The following COL13A1 variants were observed in gnomAD, a reference collection of about 807,000 sequenced individuals.
COL13A1 encodes collagen alpha-1(XIII) chain.
Under a neutral mutation model 130.9 loss-of-function variants are expected in COL13A1, and 89 were observed. The observed-to-expected ratio is 0.68, with a 90% CI of 0.57 to 0.81. COL13A1 has a LOEUF of 0.81. COL13A1 is among the 30% of genes least tolerant of loss of function. The probability of loss-of-function intolerance (pLI) is 0.00; values close to 1 mark genes in which losing one functional copy is unlikely to be tolerated. For synonymous variants in COL13A1, 402 were observed against 341.6 expected, an observed-to-expected ratio of 1.18 and a Z score of -1.95; for missense variants, 879 against 934.6, an observed-to-expected ratio of 0.94 and a Z score of 0.78.
rs761635759 is a variant in COL13A1, at chr10:69,802,529, G to C, written c.106G>C (p.Gly36Arg). Residue 36 changes from glycine (G) to arginine (R), a missense_variant, in exon 1 of 41, where the codon GGC (glycine) becomes CGC (arginine). Physicochemically the swap from Gly to Arg is moderately radical, Grantham distance 125 (BLOSUM62 -2). Around this residue, in one of 3 missense-constraint regions of COL13A1, gnomAD observed 715 missense variants for 721.0 expected, o/e 0.99. Coordinates refer to ENST00000645393, the MANE Select transcript of COL13A1 (RefSeq NM_001368882.1). The stretch of plus-strand genomic sequence containing the variant: ...TCTGGTGGCGGCGCGGGCGGAGCGC[G>C]GCGCACGGCTGCCGAGTCCAGGGTC... Reference protein sequence around the residue: ...VALVAARAERGARLPSPGSCG... With the variant: ...VALVAARAERRARLPSPGSCG... 1.3e-6 allele frequency: 2 copies of C among 1,581,582 alleles called. No homozygotes were observed. Among genetic ancestry groups the C allele is most frequent in the South Asian group, 2.3e-5 (2 of 88,154 alleles).
intron 24 of COL13A1, among the ~76,000 whole-genome samples, chr10:69,924,534 T>C (rs1005967539): frequency 2.0e-5 from 3 of 149,182 alleles, no homozygotes; most frequent in South Asian, 2.2e-4. Context: ...ACAAGTAGAG[T>C]AGGCAGCAAA....
At chr10:69,950,643 G>A (rs1046148079) in intron 38 of COL13A1, among the ~76,000 whole-genome samples, 1 of 152,214 alleles carries the variant, frequency 6.6e-6, no homozygotes. Context: ...GTGCCATGAT[G>A]TTCTTGTTGG....
chr10:69,928,805 G>T (rs2065718315), intron 27 of COL13A1, 132 bp from the exon 28 acceptor site: 1 of 580,698 alleles, frequency 1.7e-6, no homozygotes, highest in Non-Finnish European at 3.0e-6. Context: ...TGCAAAAAAT[G>T]CATCTCTATC....
At chr10:69,914,213 A>T (rs2063681406) in intron 17 of COL13A1, among the ~76,000 whole-genome samples, 1 of 152,114 alleles carries the variant, frequency 6.6e-6, no homozygotes, top group Non-Finnish European at 1.5e-5. Context: ...GGCAGGAGGA[A>T]GGGAGAGCAG....
At chr10:69,928,257 T>C (rs2065642520) in intron 27 of COL13A1, among the ~76,000 whole-genome samples, 1 of 152,176 alleles carries the variant, frequency 6.6e-6, no homozygotes, top group Non-Finnish European at 1.5e-5. Context: ...GAAAAGGTAC[T>C]CATTTTAGGT....
intron 2 of COL13A1, among the ~76,000 whole-genome samples, chr10:69,847,017 G>A (rs1016553269): frequency 6.6e-6 from 1 of 152,182 alleles, no homozygotes; most frequent in Non-Finnish European, 1.5e-5. Context: ...GTCGTGCCCA[G>A]CAGAGGGACA....
chr10:69,937,555 C>G lies in COL13A1; in HGVS notation c.1798-80C>G, dbSNP rs145964875. ...CCTTCCTCTACAAATGCCACCCCAGCCTCCAGGACCCCAGAATGCAAGAAT... is the reference window on the plus strand; with the variant it reads ...CCTTCCTCTACAAATGCCACCCCAGGCTCCAGGACCCCAGAATGCAAGAAT... On this transcript the variant is annotated intron_variant, in intron 33 of 40. Coordinates refer to ENST00000645393, the MANE Select transcript of COL13A1 (RefSeq NM_001368882.1). The G allele has an allele frequency of 2.1e-3, 1,485 of 717,662 alleles. 7 individuals are homozygous for G. The highest frequency in any genetic ancestry group is 0.016 in the African/African-American group (934 of 56,732). 44.5% of individuals were successfully genotyped at this position (717,662 alleles called of 1,614,324 possible). A position where few individuals can be genotyped will look rare whatever the true frequency, so the allele number is the denominator to read the frequency against.
chr10:69,850,436 C>A (rs896823333), intron 2 of COL13A1, among the ~76,000 whole-genome samples: 1 of 23,340 alleles, frequency 4.3e-5, no homozygotes, highest in East Asian at 3.9e-3. Flanking sequence ...TGGAGCCACA[C>A]GTTAAACTGC....
Position 69,907,020 on chromosome 10 carries a change from C to T in COL13A1, c.921+1198C>T, listed in dbSNP as rs190725687. 7.9e-3 allele frequency among the ~76,000 whole-genome samples: 1,199 copies of T among 152,282 alleles called. 22 individuals carry two copies. The highest frequency in any genetic ancestry group is 0.027 in the African/African-American group (1,112 of 41,548). ...CTGGGATTACAGGCGTGAGCCACCG[C>T]GCCCAGTTATGGCCATTTTTAATCT... is the stretch of plus-strand genomic sequence containing the variant. On this transcript the variant is annotated intron_variant, in intron 17 of 40. Coordinates refer to ENST00000645393, the MANE Select transcript of COL13A1 (RefSeq NM_001368882.1).
chr10:69,932,359 C>T (rs968207818), intron 30 of COL13A1, among the ~76,000 whole-genome samples: 4 of 152,166 alleles, frequency 2.6e-5, no homozygotes, highest in Admixed American at 6.5e-5. Flanking sequence ...GCAGAGTCCA[C>T]AGAGAGTATC....
Position 69,944,187 on chromosome 10 carries a change from C to T in COL13A1, c.1968+9C>T. On this transcript the variant is annotated intron_variant, in intron 36 of 40. Transcript: ENST00000645393. Reference sequence around the variant, plus strand: ...GACCAAAGGGCGAGAGGGTGAGTGTCACTGAGCCAGGGGCCTGGGCGGCCA... The same window carrying T: ...GACCAAAGGGCGAGAGGGTGAGTGTTACTGAGCCAGGGGCCTGGGCGGCCA... 6.2e-7 allele frequency: 1 copy of T among 1,613,236 alleles called. No individual in the cohort carries two copies. The highest frequency in any genetic ancestry group is 1.3e-5 in the African/African-American group (1 of 75,054).
intron 1 of COL13A1, among the ~76,000 whole-genome samples, chr10:69,803,809 A>G (rs757059844): frequency 2.6e-5 from 4 of 152,178 alleles, no homozygotes; most frequent in African/African-American, 4.8e-5. Context: ...CCCTCTGAAC[A>G]TGCGAAACAG....
intron 38 of COL13A1, among the ~76,000 whole-genome samples, chr10:69,947,818 A>C (rs1271685233): frequency 6.6e-6 from 1 of 152,204 alleles, no homozygotes; most frequent in Non-Finnish European, 1.5e-5. Flanking sequence ...TATTACAGCC[A>C]CTATTTCTCT....
rs756934336 is a variant in COL13A1, at chr10:69,895,556, T to C, written c.664T>C (p.Cys222Arg). ...PQGQKGEKGQ[C>R]GEYPHRLLPL... ...CCTTCCCTCTCCTTCCCAGGGTCAG[T>C]GTGGAGAGTACCCACACCGGGTAAG... The change falls in exon 13 of 41, where the codon TGT (cysteine) becomes CGT (arginine). Residue 222 changes from cysteine to arginine, a missense_variant. By Grantham distance (180) the Cys-to-Arg change is radical. Coordinates refer to ENST00000645393, the MANE Select transcript of COL13A1 (RefSeq NM_001368882.1). The C allele has an allele frequency of 6.2e-7, 1 of 1,613,922 alleles. No homozygotes were observed. Among genetic ancestry groups the C allele is most frequent in the South Asian group, 1.1e-5 (1 of 91,062 alleles).
At chr10:69,905,025 C>G in intron 16 of COL13A1, 66 bp downstream of exon 16, 1 of 1,520,220 alleles carries the variant, frequency 6.6e-7, no homozygotes, top group Non-Finnish European at 8.9e-7. Flanking sequence ...GAGGGGGAGG[C>G]AGCACAGAAG....
intron 13 of COL13A1, chr10:69,897,361 T>C: frequency 1.8e-6 from 2 of 1,124,060 alleles, no homozygotes; most frequent in Non-Finnish European, 2.5e-6. Flanking sequence ...AGCCTGTGGC[T>C]TCCCCAGGGA....
At chr10:69,917,430 C>G in intron 18 of COL13A1, 97 bp downstream of exon 18, 1 of 1,045,724 alleles carries the variant, frequency 9.6e-7, no homozygotes, top group Non-Finnish European at 1.4e-6. Context: ...GGAGTCCCAG[C>G]TCTTTGGGCC....
At chr10:69,804,994 G>A (rs1029528814) in intron 1 of COL13A1, among the ~76,000 whole-genome samples, 2 of 152,244 alleles carry the variant, frequency 1.3e-5, no homozygotes, top group Middle Eastern at 3.4e-3. Flanking sequence ...AAAAGCGGGC[G>A]AGTGTGAAGC....
At chr10:69,876,470 G>A (rs934859896) in intron 5 of COL13A1, among the ~76,000 whole-genome samples, 3 of 152,276 alleles carry the variant, frequency 2.0e-5, no homozygotes, top group African/African-American at 4.8e-5. Flanking sequence ...TCTCCCCAGC[G>A]CCCACCTAAG....
Sources: allele counts gnomAD v4.1 joint callset (sites outside exome capture counted in the v4.1 genomes callset), GRCh38; gene constraint gnomAD v4.1.1; regional missense constraint gnomAD v4.1.1; transcripts MANE v1.5; gene names NCBI Gene and HGNC (gene_info 2026-07-23, HGNC 2026-07-21).